STK10: variants seen among roughly 807,000 people sequenced by gnomAD.
STK10 encodes serine/threonine kinase 10, also known as serine/threonine-protein kinase 10.
A neutral mutation model predicts 113.8 loss-of-function variants in STK10; 78 were observed. The ratio of observed to expected loss-of-function variants is 0.69; its 90% CI spans 0.57 to 0.83. The LOEUF is 0.83. Ranked by LOEUF, STK10 falls within the 40% of genes least tolerant of loss-of-function variation. The pLI is 0.00. For missense variants in STK10, 1,109 were observed against 1,280.1 expected (o/e 0.87, Z 2.04); for synonymous variants, 465 against 494.7 (o/e 0.94, Z 0.80).
intron 2 of STK10, among the ~76,000 whole-genome samples, chr5:172,136,097 CAAT>C (rs1308485596): frequency 1.3e-5 from 2 of 151,804 alleles, no homozygotes; most frequent in Non-Finnish European, 2.9e-5. Context: ...CAAATTACTA[CAAT>C]CAGAAATGAA....
At position 172,174,725 on chromosome 5, in the gene STK10, C is replaced by A. The variant is rs1372280845; in HGVS notation, c.156+13162G>T. Among the ~76,000 whole-genome samples, 10 of 152,230 alleles carry A rather than the reference C, an allele frequency of 6.6e-5. No individual in the cohort carries two copies. The East Asian group carries it at 1.5e-3, about 24-fold the overall frequency. On this transcript the variant is annotated intron_variant, in intron 1 of 18. Coordinates refer to ENST00000176763, the MANE Select transcript of STK10 (RefSeq NM_005990.4). ...TGAGGAGGGAATCTGAGTTGAGACC[C>A]GGAGAATGAGGAGGAGCCAGCTGTA...
intron 18 of STK10, among the ~76,000 whole-genome samples, chr5:172,047,430 C>T (rs1366935987): frequency 6.6e-6 from 1 of 152,202 alleles, no homozygotes; most frequent in African/African-American, 2.4e-5. Context: ...ACCAGGTGGA[C>T]GTTCATTTCC....
chr5:172,099,342 T>C (rs1276134241), intron 7 of STK10, among the ~76,000 whole-genome samples: 1 of 151,966 alleles, frequency 6.6e-6, no homozygotes. Context: ...GAGTTCAAGA[T>C]CAGCCTGGCC....
chr5:172,096,779 C>G (rs949984793), intron 7 of STK10, among the ~76,000 whole-genome samples: 3 of 152,154 alleles, frequency 2.0e-5, no homozygotes, highest in Non-Finnish European at 4.4e-5. Context: ...TGACCTTGAG[C>G]ATGTCACTTA....
intron 2 of STK10, among the ~76,000 whole-genome samples, chr5:172,141,911 C>T (rs1281265913): frequency 2.6e-5 from 4 of 152,176 alleles, no homozygotes; most frequent in African/African-American, 9.7e-5. Flanking sequence ...AGGGTTGGGG[C>T]CTTGCTACGG....
In STK10 at chr5:172,121,535, G is replaced by A. The variant is rs183443660; in HGVS notation, c.371-3905C>T. Among the ~76,000 whole-genome samples the A allele has an allele frequency of 4.7e-4, 72 of 151,916 alleles. 1 individual carries two copies. Among genetic ancestry groups the A allele is most frequent in the South Asian group, 1.9e-3 (9 of 4,816 alleles). On this transcript the variant is annotated intron_variant, in intron 3 of 18. Coordinates refer to ENST00000176763, the MANE Select transcript of STK10 (RefSeq NM_005990.4). Reference sequence around the variant, plus strand: ...ATAAAAAAAATTTTTGGCAGGGCGCGGTGGCTCACGCCTGTAATCCCAGCA... The same window carrying A: ...ATAAAAAAAATTTTTGGCAGGGCGCAGTGGCTCACGCCTGTAATCCCAGCA...
At chr5:172,087,154 G>GTGTGTGTGTGTGTGTGGT (rs1419850106) in intron 10 of STK10, among the ~76,000 whole-genome samples, 1 of 144,688 alleles carries the variant, frequency 6.9e-6, no homozygotes, top group Admixed American at 7.0e-5. Context: ...GTGTGTGTGT[G>GTGTGTGTGTGTGTGTGGT]GTGTATGCAG....
rs1357066926 is a variant in STK10, at chr5:172,048,836, A to C, written c.2767-3814T>G. 2.1e-5 allele frequency among the ~76,000 whole-genome samples: 3 copies of C among 146,042 alleles called. No individual in the cohort carries two copies. In the Admixed American group the frequency reaches 2.1e-4, roughly 10 times the overall value. On this transcript the variant is annotated intron_variant, in intron 18 of 18. Transcript: ENST00000176763. The stretch of plus-strand genomic sequence containing the variant: ...AAGCCAGACTTTACGCAGGCCCCCC[A>C]CCCCTCTGACTTTACCTCCTATCAC...
At chr5:172,065,889 G>A (rs1322959145) in intron 12 of STK10, among the ~76,000 whole-genome samples, 3 of 152,174 alleles carry the variant, frequency 2.0e-5, no homozygotes, top group African/African-American at 7.2e-5. Flanking sequence ...CAACACTCCT[G>A]CCCTCCTGGT....
chr5:172,114,473 A>AT (rs546584414), intron 4 of STK10: 484 of 47,678 alleles, frequency 0.01, 78 homozygotes, highest in East Asian at 0.016. Flanking sequence ...ATATATATAT[A>AT]TTTTTTTTTT....
chr5:172,042,965 T>C lies in STK10; in HGVS notation c.*1917A>G, dbSNP rs1767408973. 6.6e-6 allele frequency: 1 copy of C among 152,168 alleles called. No individual in the cohort carries two copies. Among genetic ancestry groups the C allele is most frequent in the East Asian group, 1.9e-4 (1 of 5,192 alleles). 9.4% of individuals were successfully genotyped at this position (152,168 alleles called of 1,614,324 possible). A position where few individuals can be genotyped will look rare whatever the true frequency, so the allele number is the denominator to read the frequency against. ...TAGAAAGACAGAGTATACAGAACCT[T>C]AACCTAGCTGGGTGCAGTAGCATGT... On this transcript the variant is annotated 3_prime_UTR_variant, in exon 19 of 19. Coordinates refer to ENST00000176763, the MANE Select transcript of STK10 (RefSeq NM_005990.4).
chr5:172,055,250 A>G (rs1397784410), intron 16 of STK10, among the ~76,000 whole-genome samples: 3 of 151,642 alleles, frequency 2.0e-5, no homozygotes, highest in Non-Finnish European at 4.4e-5. Flanking sequence ...CCCAGGCTGG[A>G]GTGCAGTGGT....
At chr5:172,090,935 TAAA>T (rs547251159) in intron 9 of STK10, among the ~76,000 whole-genome samples, 6 of 46,136 alleles carry the variant, frequency 1.3e-4, no homozygotes, top group African/African-American at 5.8e-4. Flanking sequence ...ACTCCGTCTC[TAAA>T]AAAAAAAAAA....
chr5:172,084,461 TA>T (rs1172562346), intron 10 of STK10, among the ~76,000 whole-genome samples: 5 of 151,262 alleles, frequency 3.3e-5, no homozygotes, highest in African/African-American at 1.2e-4. Flanking sequence ...AATCTCTAGG[TA>T]AAAAAAAGCA....
chr5:172,161,281 G>A (rs1043161998), intron 1 of STK10, among the ~76,000 whole-genome samples: 4 of 151,946 alleles, frequency 2.6e-5, no homozygotes, highest in African/African-American at 7.3e-5. Context: ...GTGAAACCTC[G>A]TCTCTACTAA....
chr5:172,052,247 C>T (rs1001943010), intron 18 of STK10, among the ~76,000 whole-genome samples: 2 of 152,122 alleles, frequency 1.3e-5, no homozygotes, highest in African/African-American at 2.4e-5. Context: ...TAAGGAGTGC[C>T]GGTGGCTTCT....
rs200023335 is a variant in STK10, at chr5:172,188,047, G to A, written c.-5C>T. Reference sequence around the variant, plus strand: ...GCGGAAATTGGCAAAAGCCATGGCCGGGGGCGCGGTGGCGCCGGCTCGGGC... The same window carrying A: ...GCGGAAATTGGCAAAAGCCATGGCCAGGGGCGCGGTGGCGCCGGCTCGGGC... On this transcript the variant is annotated 5_prime_UTR_variant, in exon 1 of 19. Coordinates refer to ENST00000176763, the MANE Select transcript of STK10 (RefSeq NM_005990.4). The surrounding 1 kb of genome is among the most constrained non-coding windows in gnomAD (Gnocchi z 5.6). 1.2e-6 allele frequency: 2 copies of A among 1,610,292 alleles called. No homozygotes were observed. Among genetic ancestry groups the A allele is most frequent in the African/African-American group, 1.3e-5 (1 of 74,822 alleles).
chr5:172,044,565 C>G lies in STK10; in HGVS notation c.*317G>C. 1 of 405,802 alleles carries G rather than the reference C, an allele frequency of 2.5e-6. No individual in the cohort carries two copies. The highest frequency in any genetic ancestry group is 4.6e-6 in the Non-Finnish European group (1 of 219,432). The allele number at this position is 405,802 out of a possible 1,614,324, so 25.1% of individuals were successfully genotyped here. A position where few individuals can be genotyped will look rare whatever the true frequency, so the allele number is the denominator to read the frequency against. ...GCAAACAGGAGAGGACTCGAGGCCA[C>G]AGAACACCCATTCCTCTTGGACCCT... On this transcript the variant is annotated 3_prime_UTR_variant, in exon 19 of 19. Transcript: ENST00000176763. This position sits in a 1 kb window ranked among gnomAD's most constrained non-coding sequence, Gnocchi z 4.5.
intron 7 of STK10, among the ~76,000 whole-genome samples, chr5:172,105,397 C>A (rs1769076943): frequency 6.6e-6 from 1 of 152,108 alleles, no homozygotes; most frequent in South Asian, 2.1e-4. Context: ...CTGCCACGCA[C>A]ACATACTTGC....
Sources: gnomAD v4.1 joint callset for allele counts (sites outside exome capture counted in the v4.1 genomes callset) on GRCh38, gnomAD v4.1.1 for gene constraint, Gnocchi (gnomAD v3.1) non-coding constraint, MANE v1.5 for transcripts, NCBI Gene and HGNC (gene_info 2026-07-23, HGNC 2026-07-21) for gene names.